Variants in MACF1 observed in about 807,000 individuals in gnomAD.
MACF1 encodes the protein microtubule-actin cross-linking factor 1.
Under a neutral mutation model 854.8 loss-of-function variants are expected in MACF1, and 193 were observed. The ratio of observed to expected loss-of-function variants is 0.23; its 90% CI spans 0.20 to 0.25. The LOEUF (loss-of-function observed/expected upper bound fraction) is 0.25, where lower values mean the gene tolerates loss of function less well. Ranked by LOEUF, MACF1 falls within the 10% of genes least tolerant of loss-of-function variation. The probability of loss-of-function intolerance (pLI) is 1.00; values close to 1 mark genes in which losing one functional copy is unlikely to be tolerated. For missense variants in MACF1, 7,722 were observed against 8,929.1 expected, an observed-to-expected ratio of 0.86 and a Z score of 5.45; for synonymous variants, 3,185 against 3,226.7, an observed-to-expected ratio of 0.99 and a Z score of 0.44.
chr1:39,363,555 G>T (rs932923833), intron 49 of MACF1, among the ~76,000 whole-genome samples: 1 of 149,648 alleles, frequency 6.7e-6, no homozygotes, highest in Non-Finnish European at 1.5e-5. Context: ...TACTTTCATT[G>T]TGTAGAAGAG....
chr1:39,111,442 G>A (rs1049141253), intron 2 of MACF1, among the ~76,000 whole-genome samples: 2 of 151,934 alleles, frequency 1.3e-5, no homozygotes, highest in Non-Finnish European at 2.9e-5. Flanking sequence ...GAGTGCAGTG[G>A]TGCGAACTCG....
chr1:39,369,136 A>G lies in MACF1; in HGVS notation c.12938+822A>G, dbSNP rs546598640. 3.0e-4 allele frequency among the ~76,000 whole-genome samples: 45 copies of G among 151,496 alleles called. 1 individual carries two copies. Among genetic ancestry groups the G allele is most frequent in the Middle Eastern group, 3.4e-3 (1 of 292 alleles). On this transcript the variant is annotated intron_variant, in intron 50 of 100. Transcript: ENST00000564288. ...TACAGGTGTGAACCACTATGCCCAG[A>G]CCCCCTGCTTGTTTTGACCACATTT...
At position 39,428,194 on chromosome 1, in the gene MACF1, C is replaced by T; in HGVS notation, c.16710C>T (p.Leu5570=). 2 of 1,614,122 alleles carry T rather than the reference C, an allele frequency of 1.2e-6. No individual in the cohort carries two copies. Among genetic ancestry groups the T allele is most frequent in the Non-Finnish European group, 1.7e-6 (2 of 1,180,008 alleles). The change falls in exon 63 of 101, where the codon CTC becomes CTT. Residue 5570 remains leucine (L), a synonymous_variant. Transcript: ENST00000564288. ...TTGGGGAGGATGAGGTGGAGGTGCT[C>T]AACTGGCTGGCTGAGGTTGAGGACA... ...RLFGEDEVEV[L]NWLAEVEDKL... is the part of the protein sequence containing the mutation.
rs1416192775 is a variant in MACF1 at position 39,137,231 on chromosome 1, G to A, written c.220+52793G>A. Among the ~76,000 whole-genome samples the A allele has an allele frequency of 2.0e-5, 3 of 152,102 alleles. 1 individual carries two copies. Among genetic ancestry groups the A allele is most frequent in the Non-Finnish European group, 4.4e-5 (3 of 68,018 alleles). ...ATTACAGATGTACACCACCACGCCT[G>A]GCTGATTTTTGTATTTTTGTTAGAA... is the stretch of plus-strand genomic sequence containing the variant. On this transcript the variant is annotated intron_variant, in intron 2 of 93. Coordinates refer to the MACF1 transcript ENST00000361689.
At chr1:39,324,502 C>T in intron 34 of MACF1, 144 bp from the exon 35 acceptor site, 1 of 1,090,250 alleles carries the variant, frequency 9.2e-7, no homozygotes, top group Non-Finnish European at 1.3e-6. Context: ...GTTCTTGTAC[C>T]TTTTTATCAG....
At chr1:39,386,437 C>T (rs1158791760) in intron 57 of MACF1, among the ~76,000 whole-genome samples, 92 of 137,838 alleles carry the variant, frequency 6.7e-4, no homozygotes, top group African/African-American at 2.4e-3. Flanking sequence ...ATTTTTTTTT[C>T]TTTTTTTTTT....
Position 39,285,715 on chromosome 1 carries a change from C to G in MACF1, c.1465C>G (p.Leu489Val). The G allele has an allele frequency of 6.2e-7, 1 of 1,614,104 alleles. No individual in the cohort carries two copies. The highest frequency in any genetic ancestry group is 8.5e-7 in the Non-Finnish European group (1 of 1,180,006). ...GCAGCTGCAGGTGGATCTCCAGATC[C>G]TGCGGGATGAGAATTACTACCAGCT... is the stretch of plus-strand genomic sequence containing the variant. ...IRQLQVDLQI[L>V]RDENYYQLEE... The change falls in exon 14 of 101, where the codon CTG becomes GTG. Residue 489 changes from leucine to valine, a missense_variant. By Grantham distance (32) the Leu-to-Val change is conservative. This residue lies in a region of MACF1 where 1,137 missense variants were observed against 1,263.0 expected (regional missense o/e 0.90). Transcript: ENST00000564288.
At chr1:39,266,619 T>TTTTTC (rs397979934) in intron 6 of MACF1, among the ~76,000 whole-genome samples, 1 of 147,994 alleles carries the variant, frequency 6.8e-6, no homozygotes, top group Non-Finnish European at 1.5e-5. Context: ...TTTTTTTTTT[T>TTTTTC]CAGGTCTCCA....
chr1:39,193,494 A>G (rs1377718964), intron 2 of MACF1, among the ~76,000 whole-genome samples: 1 of 152,144 alleles, frequency 6.6e-6, no homozygotes, highest in Non-Finnish European at 1.5e-5. Flanking sequence ...ATGCCCTGCT[A>G]GGAGGTCTCT....
At chr1:39,426,285 GTAA>G (rs1315905692) in intron 61 of MACF1, among the ~76,000 whole-genome samples, 3 of 152,150 alleles carry the variant, frequency 2.0e-5, no homozygotes, top group Middle Eastern at 3.2e-3. Context: ...TGAATTTCCA[GTAA>G]TCAAAATGCC....
chr1:39,283,363 A>C lies in MACF1; in HGVS notation c.809-46A>C. 6.3e-7 allele frequency: 1 copy of C among 1,583,936 alleles called. No individual in the cohort carries two copies. The highest frequency in any genetic ancestry group is 8.7e-7 in the Non-Finnish European group (1 of 1,152,592). ...GTATTCAGTATTCCTTCTTCTGGCAAGTTCCTTTGTTCTGACTAAGAAATT... is the reference window on the plus strand; with the variant it reads ...GTATTCAGTATTCCTTCTTCTGGCACGTTCCTTTGTTCTGACTAAGAAATT... On this transcript the variant is annotated intron_variant, in intron 8 of 100. Coordinates refer to ENST00000564288, the MANE Select transcript of MACF1 (RefSeq NM_001394062.1). This position sits in a 1 kb window ranked among gnomAD's most constrained non-coding sequence, Gnocchi z 4.5.
intron 6 of MACF1, chr1:39,269,616 C>T: frequency 7.8e-7 from 1 of 1,289,778 alleles, no homozygotes; most frequent in Non-Finnish European, 1.0e-6. Context: ...ACATGGGATC[C>T]AGCCTAAAGA....
At chr1:39,208,363 G>A (rs1251606956) in intron 1 of MACF1, among the ~76,000 whole-genome samples, 1 of 151,958 alleles carries the variant, frequency 6.6e-6, no homozygotes, top group Non-Finnish European at 1.5e-5. Flanking sequence ...ATTCTGTGCT[G>A]CAGTAGCACC....
At chr1:39,195,944 T>A (rs973181670) in intron 2 of MACF1, among the ~76,000 whole-genome samples, 1 of 152,192 alleles carries the variant, frequency 6.6e-6, no homozygotes, top group Non-Finnish European at 1.5e-5. Context: ...CAAGGTTTCG[T>A]ACAGTCTGAG....
intron 2 of MACF1, among the ~76,000 whole-genome samples, chr1:39,085,515 C>A (rs554823803): frequency 1.8e-4 from 27 of 152,288 alleles, no homozygotes; most frequent in South Asian, 1.2e-3. Context: ...TCACCTGGAC[C>A]TTCCAATGAG....
intron 58 of MACF1, chr1:39,411,940 G>A: frequency 1.2e-6 from 2 of 1,613,864 alleles, no homozygotes. Flanking sequence ...TGCCCACGTT[G>A]ATATCATGAG....
At chr1:39,472,100 C>G (rs972369925) in intron 97 of MACF1, among the ~76,000 whole-genome samples, 5 of 152,158 alleles carry the variant, frequency 3.3e-5, no homozygotes, top group Admixed American at 6.5e-5. Context: ...GCCGTCATGT[C>G]TGGTTCTGTA....
At position 39,084,522 on chromosome 1, in the gene MACF1, G is replaced by A. The variant is rs1029771643; in HGVS notation, c.220+84G>A. ...GCACAGCAGCTGTGTGGGGAGCCGAGGGGTCCTCACCAGGGCCTCTGACAA... is the reference window on the plus strand; with the variant it reads ...GCACAGCAGCTGTGTGGGGAGCCGAAGGGTCCTCACCAGGGCCTCTGACAA... On this transcript the variant is annotated intron_variant, in intron 2 of 93. Coordinates refer to the MACF1 transcript ENST00000361689. This position sits in a 1 kb window ranked among gnomAD's most constrained non-coding sequence, Gnocchi z 5.2. 41 of 1,166,416 alleles carry A rather than the reference G, an allele frequency of 3.5e-5. No individual in the cohort carries two copies. The highest frequency in any genetic ancestry group is 5.0e-5 in the Non-Finnish European group (41 of 813,814). The allele number at this position is 1,166,416 out of a possible 1,614,324, so 72.3% of individuals were successfully genotyped here.
Position 39,334,762 on chromosome 1 carries a change from A to G in MACF1, c.8174A>G (p.Gln2725Arg). 1 of 1,614,166 alleles carries G rather than the reference A, an allele frequency of 6.2e-7. No individual in the cohort carries two copies. The highest frequency in any genetic ancestry group is 8.5e-7 in the Non-Finnish European group (1 of 1,180,006). ...ENMVRIIASH[Q>R]VLNGGIVDIF... is the part of the protein sequence containing the mutation. ...ATGGTCAGAATTATTGCATCTCATC[A>G]GGTGTTAAATGGAGGAATTGTTGAC... is the stretch of plus-strand genomic sequence containing the variant. Residue 2725 changes from glutamine (Q) to arginine (R), a missense_variant, in exon 37 of 101, where the codon CAG (glutamine) becomes CGG (arginine). By Grantham distance (43) the Gln-to-Arg change is conservative. Around this residue, in one of 15 missense-constraint regions of MACF1, gnomAD observed 1,531 missense variants for 1,601.6 expected, o/e 0.96. Coordinates refer to ENST00000564288, the MANE Select transcript of MACF1 (RefSeq NM_001394062.1).
Sources: gnomAD v4.1 joint callset for allele counts (sites outside exome capture counted in the v4.1 genomes callset) on GRCh38, gnomAD v4.1.1 for gene constraint, gnomAD v4.1.1 regional missense constraint, Gnocchi (gnomAD v3.1) non-coding constraint, MANE v1.5 for transcripts, NCBI Gene and HGNC (gene_info 2026-07-23, HGNC 2026-07-21) for gene names.